The following TACC2 variants were observed in gnomAD, a reference collection of about 807,000 sequenced individuals.
The protein encoded by TACC2 is transforming acidic coiled-coil-containing protein 2.
In TACC2, 137 loss-of-function variants were observed where a neutral mutation model predicts 227.3. The ratio of observed to expected loss-of-function variants is 0.60; its 90% CI spans 0.52 to 0.69. TACC2 has a LOEUF of 0.69. TACC2 is among the 30% of genes least tolerant of loss of function. TACC2 has a pLI of 0.00. For missense variants in TACC2, 3,470 were observed against 3,694.4 expected (o/e 0.94, Z 1.57); for synonymous variants, 1,523 against 1,487.5 (o/e 1.02, Z -0.55).
At position 122,081,303 on chromosome 10, in the gene TACC2, A is replaced by G. The variant is rs188909169; in HGVS notation, c.147-1344A>G. ...GGGAGGCTGAGGCGGGCAGATCACG[A>G]GGTTAGGAGATCGAGACCATCCTGG... is the stretch of plus-strand genomic sequence containing the variant. On this transcript the variant is annotated intron_variant, in intron 3 of 22. Transcript: ENST00000369005. 1.5e-3 allele frequency among the ~76,000 whole-genome samples: 230 copies of G among 150,552 alleles called. 1 individual carries two copies. Among genetic ancestry groups the G allele is most frequent in the African/African-American group, 5.3e-3 (218 of 40,884 alleles).
chr10:122,153,674 C>T (rs1302565211), intron 7 of TACC2, among the ~76,000 whole-genome samples: 1 of 152,262 alleles, frequency 6.6e-6, no homozygotes, highest in Non-Finnish European at 1.5e-5. Flanking sequence ...ATGCCTTGCA[C>T]TGCAGTGCCT....
At chr10:122,133,829 A>G (rs1472551554) in intron 6 of TACC2, among the ~76,000 whole-genome samples, 2 of 151,920 alleles carry the variant, frequency 1.3e-5, no homozygotes, top group Non-Finnish European at 2.9e-5. Context: ...TAGACTGGGA[A>G]CTCCTTGAGG....
intron 7 of TACC2, among the ~76,000 whole-genome samples, chr10:122,189,248 T>C (rs777558881): frequency 1.3e-5 from 2 of 152,194 alleles, no homozygotes; most frequent in African/African-American, 2.4e-5. Flanking sequence ...TTTTGTTGAA[T>C]AGAATCTAGC....
chr10:122,249,876 C>A (rs948628679), intron 22 of TACC2, among the ~76,000 whole-genome samples: 8 of 152,242 alleles, frequency 5.3e-5, no homozygotes, highest in Non-Finnish European at 1.5e-5. Flanking sequence ...GGAACTGCAG[C>A]CTGCATGTGT....
intron 1 of TACC2, among the ~76,000 whole-genome samples, chr10:122,000,533 G>A (rs575602133): frequency 1.3e-5 from 2 of 152,312 alleles, no homozygotes; most frequent in Admixed American, 1.3e-4. Context: ...ATTGGCTTAG[G>A]AACTGGAGTG....
intron 22 of TACC2, among the ~76,000 whole-genome samples, chr10:122,251,661 G>A (rs1009322708): frequency 1.3e-5 from 2 of 152,198 alleles, no homozygotes; most frequent in African/African-American, 4.8e-5. Context: ...GATTGTGCCT[G>A]TAAGTAGCCA....
chr10:121,992,225 G>A (rs1239803222), intron 1 of TACC2, among the ~76,000 whole-genome samples: 1 of 152,166 alleles, frequency 6.6e-6, no homozygotes, highest in Admixed American at 6.6e-5. Flanking sequence ...CTGTGAAGAA[G>A]GCCCAGAACA....
chr10:122,200,256 T>G (rs543381635), intron 8 of TACC2, among the ~76,000 whole-genome samples: 39 of 152,248 alleles, frequency 2.6e-4, no homozygotes, highest in African/African-American at 9.2e-4. Flanking sequence ...GGTATATGGG[T>G]TCACAGCCAC....
intron 8 of TACC2, among the ~76,000 whole-genome samples, chr10:122,207,586 A>C (rs181647544): frequency 6.6e-6 from 1 of 152,226 alleles, no homozygotes; most frequent in Non-Finnish European, 1.5e-5. Context: ...AGCCCCCAGC[A>C]TAAAAATCTG....
At chr10:122,130,930 C>T (rs1337799711) in intron 5 of TACC2, among the ~76,000 whole-genome samples, 4 of 152,126 alleles carry the variant, frequency 2.6e-5, no homozygotes, top group Non-Finnish European at 5.9e-5. Context: ...CCATTGTGGG[C>T]CAAGAGTTCT....
intron 5 of TACC2, among the ~76,000 whole-genome samples, chr10:122,094,880 A>G (rs1019814310): frequency 1.3e-5 from 2 of 152,202 alleles, no homozygotes; most frequent in Non-Finnish European, 2.9e-5. Flanking sequence ...CTCCTCTCTG[A>G]GAACTTCTCA....
At chr10:122,139,052 G>A (rs1007360021) in intron 6 of TACC2, among the ~76,000 whole-genome samples, 2 of 152,192 alleles carry the variant, frequency 1.3e-5, no homozygotes, top group Admixed American at 1.3e-4. Context: ...CCAGGCGTGG[G>A]GATTCATAAC....
chr10:122,225,004 A>C (rs958578441), intron 12 of TACC2, among the ~76,000 whole-genome samples: 20 of 152,038 alleles, frequency 1.3e-4, no homozygotes, highest in African/African-American at 4.8e-4. Context: ...AAATGATAGA[A>C]TACAATTAGA....
At chr10:122,162,475 T>C (rs898602629) in intron 7 of TACC2, among the ~76,000 whole-genome samples, 3 of 152,200 alleles carry the variant, frequency 2.0e-5, no homozygotes, top group African/African-American at 7.2e-5. Context: ...CACTTACCCA[T>C]CAGAGGTTCC....
chr10:122,224,704 G>T, intron 11 of TACC2, 22 bp from the exon 12 acceptor site: 1 of 1,611,678 alleles, frequency 6.2e-7, no homozygotes, highest in Non-Finnish European at 8.5e-7. Flanking sequence ...TTTTGTGTTT[G>T]TGTTTGTTTT....
At chr10:122,006,066 T>A (rs1955083865) in intron 1 of TACC2, among the ~76,000 whole-genome samples, 1 of 152,232 alleles carries the variant, frequency 6.6e-6, no homozygotes, top group Non-Finnish European at 1.5e-5. Flanking sequence ...ATAAAATCTT[T>A]GGTTCGCACT....
Position 122,085,679 on chromosome 10 carries a change from T to TGCCAGCCCTGGCGCCC in TACC2, c.3188_3203dup (p.Val1070AlafsTer19). 6.2e-7 allele frequency: 1 copy of TGCCAGCCCTGGCGCCC among 1,613,702 alleles called. No individual in the cohort carries two copies. The highest frequency in any genetic ancestry group is 8.5e-7 in the Non-Finnish European group (1 of 1,180,028). ...GCTCTCCTGGATGCAGTTCCCTGCC[T>TGCCAGCCCTGGCGCCC]GCCAGCCCTGGCGCCCGCCAGCCCC... On this transcript the variant is annotated frameshift_variant, in exon 4 of 23. Transcript: ENST00000369005. LOFTEE classifies it high-confidence loss of function.
chr10:122,113,955 C>T (rs1202311008), intron 5 of TACC2, among the ~76,000 whole-genome samples: 3 of 152,254 alleles, frequency 2.0e-5, no homozygotes, highest in Admixed American at 6.5e-5. Context: ...ACGCTGTGGC[C>T]AGGTGTCCTC....
At chr10:122,062,980 G>A (rs2077001065) in intron 3 of TACC2, among the ~76,000 whole-genome samples, 1 of 152,148 alleles carries the variant, frequency 6.6e-6, no homozygotes, top group Non-Finnish European at 1.5e-5. Context: ...ACTTGTTCTA[G>A]GTCACACAGA....
Sources: gnomAD v4.1 joint callset for allele counts (sites outside exome capture counted in the v4.1 genomes callset) on GRCh38, gnomAD v4.1.1 for gene constraint, MANE v1.5 for transcripts, NCBI Gene and HGNC (gene_info 2026-07-23, HGNC 2026-07-21) for gene names.